PACRG: variants seen among roughly 807,000 people sequenced by gnomAD.
PACRG encodes parkin coregulated gene protein.
In PACRG, 29 loss-of-function variants were observed where a neutral mutation model predicts 29.7. That is an observed-to-expected ratio of 0.98 (90% CI 0.73 to 1.33). The LOEUF (loss-of-function observed/expected upper bound fraction) is 1.33, where lower values mean the gene tolerates loss of function less well. PACRG is among the 40% of genes most tolerant of loss of function. The pLI is 0.00. For synonymous variants in PACRG, 116 were observed against 118.7 expected (o/e 0.98, Z 0.15); for missense variants, 279 against 316.2 (o/e 0.88, Z 0.89).
intron 4 of PACRG, among the ~76,000 whole-genome samples, chr6:163,247,091 G>T (rs911268060): frequency 5.9e-5 from 9 of 152,156 alleles, no homozygotes; most frequent in African/African-American, 2.2e-4. Flanking sequence ...GAGTTCATAC[G>T]CTCCAAGAAT....
chr6:162,738,272 G>A (rs1780320242), intron 1 of PACRG, among the ~76,000 whole-genome samples: 2 of 152,198 alleles, frequency 1.3e-5, no homozygotes, highest in Non-Finnish European at 2.9e-5. Context: ...TTCAAGAACT[G>A]TTCTTCAGGT....
At chr6:162,778,104 G>T (rs1222421379) in intron 1 of PACRG, among the ~76,000 whole-genome samples, 3 of 152,190 alleles carry the variant, frequency 2.0e-5, no homozygotes, top group Non-Finnish European at 4.4e-5. Context: ...CCATATGAAT[G>T]AAGGTTTTTC....
At chr6:163,271,900 A>G (rs959991848) in intron 4 of PACRG, among the ~76,000 whole-genome samples, 2 of 152,248 alleles carry the variant, frequency 1.3e-5, no homozygotes, top group Non-Finnish European at 2.9e-5. Flanking sequence ...CCCTGATCCC[A>G]GAACATGATG....
chr6:162,782,006 A>T (rs1299978357), intron 1 of PACRG, among the ~76,000 whole-genome samples: 1 of 151,894 alleles, frequency 6.6e-6, no homozygotes, highest in African/African-American at 2.4e-5. Context: ...ACCTAACTGT[A>T]TTCTGCCTAC....
At chr6:162,758,493 G>A (rs1760661362) in intron 1 of PACRG, among the ~76,000 whole-genome samples, 1 of 152,058 alleles carries the variant, frequency 6.6e-6, no homozygotes, top group African/African-American at 2.4e-5. Context: ...GTTGCCATAT[G>A]ACTACTTGGT....
At position 163,062,173 on chromosome 6, in the gene PACRG, C is replaced by T. The variant is rs1195862752; in HGVS notation, c.315C>T (p.Tyr105=). Residue 105 remains tyrosine, a synonymous_variant, in exon 3 of 5, where the codon TAC becomes TAT. Transcript: ENST00000366888. The stretch of plus-strand genomic sequence containing the variant: ...AGGTAGAAATTGAGAAGCTGGATTA[C>T]CATCATTATCTGCCTCTGTTTTTTG... The part of the protein sequence containing the change: ...AWKVEIEKLD[Y]HHYLPLFFDG... 6.2e-7 allele frequency: 1 copy of T among 1,613,934 alleles called. No individual in the cohort carries two copies. The highest frequency in any genetic ancestry group is 8.5e-7 in the Non-Finnish European group (1 of 1,179,962).
intron 2 of PACRG, among the ~76,000 whole-genome samples, chr6:162,884,277 A>G (rs889202628): frequency 1.3e-5 from 2 of 152,136 alleles, no homozygotes; most frequent in Admixed American, 1.3e-4. Flanking sequence ...TCTAGGCTAG[A>G]AGGTTCATCT....
At chr6:162,997,250 G>A (rs1804152739) in intron 2 of PACRG, among the ~76,000 whole-genome samples, 1 of 152,144 alleles carries the variant, frequency 6.6e-6, no homozygotes, top group African/African-American at 2.4e-5. Context: ...CTAAAGATTT[G>A]TTTGCCCTAA....
chr6:162,835,301 A>C (rs2128399759), intron 2 of PACRG, among the ~76,000 whole-genome samples: 1 of 152,212 alleles, frequency 6.6e-6, no homozygotes, highest in South Asian at 2.1e-4. Context: ...TCTGTTTGCC[A>C]TTTGTCATCC....
intron 1 of PACRG, among the ~76,000 whole-genome samples, chr6:162,761,473 G>C (rs1158316744): frequency 1.3e-5 from 2 of 152,148 alleles, no homozygotes; most frequent in Non-Finnish European, 2.9e-5. Flanking sequence ...TTTTGGTTTT[G>C]CATGTCTCAG....
chr6:163,091,478 G>A (rs559923946), intron 4 of PACRG, among the ~76,000 whole-genome samples: 120 of 152,220 alleles, frequency 7.9e-4, no homozygotes, highest in South Asian at 2.7e-3. Flanking sequence ...AATTCTTTTG[G>A]AGTCTTTCTA....
At chr6:163,080,788 G>A (rs1353417888) in intron 3 of PACRG, among the ~76,000 whole-genome samples, 2 of 152,258 alleles carry the variant, frequency 1.3e-5, no homozygotes, top group East Asian at 3.9e-4. Flanking sequence ...TGGAAAATCT[G>A]AGTTTTGCAT....
chr6:163,057,052 C>A (rs1337391779), intron 2 of PACRG, among the ~76,000 whole-genome samples: 6 of 152,150 alleles, frequency 3.9e-5, no homozygotes, highest in Admixed American at 1.3e-4. Context: ...AGATATATAA[C>A]ATTAATAATT....
intron 2 of PACRG, among the ~76,000 whole-genome samples, chr6:163,003,707 A>G (rs1804785070): frequency 6.6e-6 from 1 of 152,156 alleles, no homozygotes; most frequent in African/African-American, 2.4e-5. Context: ...GAAGTCCAAC[A>G]CCAACAATAG....
chr6:163,022,381 G>A (rs950293929), intron 2 of PACRG, among the ~76,000 whole-genome samples: 12 of 152,214 alleles, frequency 7.9e-5, no homozygotes, highest in African/African-American at 2.7e-4. Context: ...CAGTCACACT[G>A]TCTGAAATGT....
intron 2 of PACRG, among the ~76,000 whole-genome samples, chr6:162,862,236 T>G (rs1214291906): frequency 6.6e-6 from 1 of 152,130 alleles, no homozygotes; most frequent in Admixed American, 6.5e-5. Flanking sequence ...AATTCCCCCT[T>G]GTACCACCTT....
At chr6:163,068,317 A>T (rs1372511564) in intron 3 of PACRG, among the ~76,000 whole-genome samples, 2 of 152,190 alleles carry the variant, frequency 1.3e-5, no homozygotes, top group Non-Finnish European at 2.9e-5. Flanking sequence ...CATTCAGAAC[A>T]GGGAGGTCAT....
intron 2 of PACRG, among the ~76,000 whole-genome samples, chr6:163,009,523 C>T (rs917116572): frequency 1.5e-4 from 23 of 152,190 alleles, no homozygotes; most frequent in Admixed American, 1.3e-3. Flanking sequence ...TCAGAAATCA[C>T]TTAGATCTTC....
At chr6:163,212,063 TGAA>T (rs1435696192) in intron 4 of PACRG, among the ~76,000 whole-genome samples, 1 of 152,044 alleles carries the variant, frequency 6.6e-6, no homozygotes, top group African/African-American at 2.4e-5. Context: ...TGCATTGGGA[TGAA>T]GAAGGAGTAC....
Sources: allele counts gnomAD v4.1 joint callset (sites outside exome capture counted in the v4.1 genomes callset), GRCh38; gene constraint gnomAD v4.1.1; transcripts MANE v1.5; gene names NCBI Gene and HGNC (gene_info 2026-07-23, HGNC 2026-07-21).